The following PARD3B variants were observed in gnomAD, a reference collection of about 807,000 sequenced individuals.
PARD3B encodes partitioning defective 3 homolog B.
In PARD3B, 103 loss-of-function variants were observed where a neutral mutation model predicts 130.2. The observed-to-expected ratio is 0.79, with a 90% CI of 0.67 to 0.93. The LOEUF (loss-of-function observed/expected upper bound fraction) is 0.93, where lower values mean the gene tolerates loss of function less well. PARD3B is among the 40% of genes least tolerant of loss of function. PARD3B has a pLI of 0.00. For missense variants in PARD3B, 1,609 were observed against 1,499.2 expected, an observed-to-expected ratio of 1.07 and a Z score of -1.21; for synonymous variants, 583 against 553.2, an observed-to-expected ratio of 1.05 and a Z score of -0.76.
intron 2 of PARD3B, among the ~76,000 whole-genome samples, chr2:204,734,123 A>T (rs2039640439): frequency 6.6e-6 from 1 of 152,196 alleles, no homozygotes; most frequent in Non-Finnish European, 1.5e-5. Flanking sequence ...ATTTAAATAG[A>T]CATATTTCCA....
intron 10 of PARD3B, among the ~76,000 whole-genome samples, chr2:205,136,148 G>A (rs981559582): frequency 6.6e-6 from 1 of 152,014 alleles, no homozygotes; most frequent in South Asian, 2.1e-4. Context: ...GTTTAGCACT[G>A]CCCCCCACAC....
Position 205,206,834 on chromosome 2 carries a change from C to G in PARD3B, c.2140+13514C>G, listed in dbSNP as rs559496820. Reference sequence around the variant, plus strand: ...GAGACAGAAAGTCAACAAGGATACCCAGGAATTGAACTCAGCTCTGCACCA... The same window carrying G: ...GAGACAGAAAGTCAACAAGGATACCGAGGAATTGAACTCAGCTCTGCACCA... On this transcript the variant is annotated intron_variant, in intron 15 of 22. Transcript: ENST00000406610. Among the ~76,000 whole-genome samples the G allele has an allele frequency of 4.6e-3, 689 of 151,366 alleles. 5 individuals carry two copies. The highest frequency in any genetic ancestry group is 0.016 in the African/African-American group (658 of 41,136).
intron 2 of PARD3B, among the ~76,000 whole-genome samples, chr2:204,781,141 A>T (rs1036422972): frequency 2.0e-5 from 3 of 152,134 alleles, no homozygotes; most frequent in African/African-American, 7.2e-5. Context: ...ACATGTGAAC[A>T]GCTTATTTAT....
rs2032693146 is a variant in PARD3B at position 205,138,643 on chromosome 2, AC to A, written c.1434+12908del. Among the ~76,000 whole-genome samples the A allele has an allele frequency of 2.6e-5, 4 of 152,288 alleles. No individual in the cohort carries two copies. The South Asian group carries it at 8.3e-4, about 32-fold the overall frequency. ...TAAGATTCTTTCCTATTCCAAAATA[AC>A]CTCTAAGTTTCTGTGCATCAAATCT... On this transcript the variant is annotated intron_variant, in intron 10 of 22. Coordinates refer to ENST00000406610, the MANE Select transcript of PARD3B (RefSeq NM_001302769.2).
rs1398413158 is a variant in PARD3B, at chr2:205,021,275, G to A, written c.395-26306G>A. 1.3e-5 allele frequency among the ~76,000 whole-genome samples: 2 copies of A among 152,006 alleles called. No individual in the cohort carries two copies. The highest frequency in any genetic ancestry group is 1.5e-5 in the Non-Finnish European group (1 of 68,010). On this transcript the variant is annotated intron_variant, in intron 3 of 22. Coordinates refer to ENST00000406610, the MANE Select transcript of PARD3B (RefSeq NM_001302769.2). This position sits in a 1 kb window ranked among gnomAD's most constrained non-coding sequence, Gnocchi z 4.5. ...AGTCTCAATTTTAAAACTCCCTTGA[G>A]GATTAGGAAACAGATTATAAGTAGC... is the stretch of plus-strand genomic sequence containing the variant.
chr2:205,029,873 T>TG (rs1697302352), intron 3 of PARD3B, among the ~76,000 whole-genome samples: 1 of 152,146 alleles, frequency 6.6e-6, no homozygotes, highest in South Asian at 2.1e-4. Flanking sequence ...TTAAGGCACT[T>TG]GTAATTCCTC....
chr2:205,209,030 C>G (rs200516678), intron 15 of PARD3B, among the ~76,000 whole-genome samples: 7,068 of 123,440 alleles, frequency 0.057, 271 homozygotes, highest in East Asian at 0.18. Context: ...AGATATAGAT[C>G]AATGGAACAG....
At chr2:205,140,224 TTTTG>T in intron 10 of PARD3B, among the ~76,000 whole-genome samples, 1 of 152,168 alleles carries the variant, frequency 6.6e-6, no homozygotes, top group Non-Finnish European at 1.5e-5. Flanking sequence ...CTGGAGCTAA[TTTTG>T]TTTTTCACTT....
intron 22 of PARD3B, among the ~76,000 whole-genome samples, chr2:205,577,900 T>C (rs2053820658): frequency 6.6e-6 from 1 of 152,204 alleles, no homozygotes; most frequent in Admixed American, 6.5e-5. Flanking sequence ...GTTTCCGTAT[T>C]TTATGAACTC....
At chr2:205,437,713 A>G (rs921348697) in intron 19 of PARD3B, among the ~76,000 whole-genome samples, 1 of 152,186 alleles carries the variant, frequency 6.6e-6, no homozygotes. Flanking sequence ...GATACCCAAG[A>G]GGTGTTATGG....
At chr2:205,514,831 T>G (rs1054599152) in intron 21 of PARD3B, among the ~76,000 whole-genome samples, 2 of 34,440 alleles carry the variant, frequency 5.8e-5, no homozygotes, top group Admixed American at 5.9e-4. Flanking sequence ...TTTCTTACAG[T>G]TCTTTTTTTT....
At position 205,253,925 on chromosome 2, in the gene PARD3B, T is replaced by G. The variant is rs185976996; in HGVS notation, c.2185+8103T>G. ...AAAACAAAAACACCACAGAGGTGGTTTGAAAGAAGAGGTTGGGTTGAAAAT... is the reference window on the plus strand; with the variant it reads ...AAAACAAAAACACCACAGAGGTGGTGTGAAAGAAGAGGTTGGGTTGAAAAT... On this transcript the variant is annotated intron_variant, in intron 16 of 22. Transcript: ENST00000406610. This position sits in a 1 kb window ranked among gnomAD's most constrained non-coding sequence, Gnocchi z 4.4. Among the ~76,000 whole-genome samples the G allele has an allele frequency of 7.3e-4, 111 of 151,800 alleles. No individual in the cohort carries two copies. The highest frequency in any genetic ancestry group is 1.1e-3 in the Non-Finnish European group (75 of 67,918).
intron 18 of PARD3B, among the ~76,000 whole-genome samples, chr2:205,386,594 A>C (rs1344557360): frequency 6.6e-6 from 1 of 151,874 alleles, no homozygotes; most frequent in East Asian, 1.9e-4. Flanking sequence ...ATTATGGCTA[A>C]TTGCATTTCT....
At chr2:205,071,654 G>A (rs1327972532) in intron 4 of PARD3B, among the ~76,000 whole-genome samples, 2 of 152,046 alleles carry the variant, frequency 1.3e-5, no homozygotes, top group South Asian at 2.1e-4. Flanking sequence ...AACAAAAGAT[G>A]TACCATCAAA....
At chr2:204,782,458 T>C (rs937115679) in intron 2 of PARD3B, among the ~76,000 whole-genome samples, 1 of 151,168 alleles carries the variant, frequency 6.6e-6, no homozygotes, top group Non-Finnish European at 1.5e-5. Flanking sequence ...GTATTATATA[T>C]GTAATATACA....
chr2:205,285,482 C>T (rs985578304), intron 16 of PARD3B, among the ~76,000 whole-genome samples: 3 of 152,090 alleles, frequency 2.0e-5, no homozygotes, highest in African/African-American at 7.2e-5. Flanking sequence ...TTCAGAGGCC[C>T]CTTATTGCCA....
intron 2 of PARD3B, among the ~76,000 whole-genome samples, chr2:204,922,436 T>C (rs1048052042): frequency 6.6e-6 from 1 of 152,084 alleles, no homozygotes; most frequent in Non-Finnish European, 1.5e-5. Context: ...GTAGTACTAT[T>C]GAATGAATAA....
chr2:204,797,135 A>G (rs1396489909), intron 2 of PARD3B, among the ~76,000 whole-genome samples: 1 of 148,816 alleles, frequency 6.7e-6, no homozygotes, highest in Non-Finnish European at 1.5e-5. Context: ...AGATCATGCC[A>G]CTGCACTCCA....
chr2:205,498,115 G>A (rs915534329), intron 20 of PARD3B, among the ~76,000 whole-genome samples: 2 of 150,754 alleles, frequency 1.3e-5, no homozygotes, highest in East Asian at 2.0e-4. Context: ...CAGGAGAATC[G>A]CTTGAACGCA....
Sources: allele counts gnomAD v4.1 joint callset (sites outside exome capture counted in the v4.1 genomes callset), GRCh38; gene constraint gnomAD v4.1.1; non-coding constraint Gnocchi (gnomAD v3.1); transcripts MANE v1.5; gene names NCBI Gene and HGNC (gene_info 2026-07-23, HGNC 2026-07-21).